Variants in ZNF277 observed in about 807,000 individuals in gnomAD.
ZNF277 encodes zinc finger protein 277.
A neutral mutation model predicts 60.7 loss-of-function variants in ZNF277; 55 were observed. The ratio of observed to expected loss-of-function variants is 0.91; its 90% CI spans 0.73 to 1.13. The LOEUF (loss-of-function observed/expected upper bound fraction) is 1.13, where lower values mean the gene tolerates loss of function less well. ZNF277 is among the 50% of genes most tolerant of loss of function. The pLI, the probability that ZNF277 is intolerant of heterozygous loss-of-function variation, is 0.00. For missense variants in ZNF277, 510 were observed against 523.0 expected (o/e 0.98, Z 0.24); for synonymous variants, 178 against 179.3 (o/e 0.99, Z 0.06).
At chr7:112,256,083 G>T (rs904725292) in intron 1 of ZNF277, among the ~76,000 whole-genome samples, 2 of 151,966 alleles carry the variant, frequency 1.3e-5, no homozygotes, top group African/African-American at 4.8e-5. Context: ...CTCCTAGCTT[G>T]GTGCTTAGCA....
chr7:112,331,668 T>G (rs1793231652), intron 7 of ZNF277, among the ~76,000 whole-genome samples: 1 of 152,196 alleles, frequency 6.6e-6, no homozygotes, highest in Admixed American at 6.5e-5. Context: ...TACAAATGTT[T>G]TACAACCAGC....
chr7:112,242,250 A>G (rs1225471109), intron 1 of ZNF277, among the ~76,000 whole-genome samples: 4 of 152,096 alleles, frequency 2.6e-5, no homozygotes, highest in Non-Finnish European at 5.9e-5. Flanking sequence ...CATAGAAGAA[A>G]CATGCTTCAA....
At chr7:112,210,041 A>G (rs1179067565) in intron 1 of ZNF277, among the ~76,000 whole-genome samples, 4 of 152,164 alleles carry the variant, frequency 2.6e-5, no homozygotes, top group African/African-American at 7.2e-5. Flanking sequence ...AGAAATACCT[A>G]ATGTAAATGA....
chr7:112,232,193 G>T (rs1363180849), intron 1 of ZNF277, among the ~76,000 whole-genome samples: 1 of 151,740 alleles, frequency 6.6e-6, no homozygotes, highest in Non-Finnish European at 1.5e-5. Context: ...ATTAAAACAG[G>T]GGTTGGGAGT....
intron 5 of ZNF277, among the ~76,000 whole-genome samples, chr7:112,322,289 C>T (rs541165406): frequency 6.6e-6 from 1 of 152,118 alleles, no homozygotes; most frequent in East Asian, 1.9e-4. Flanking sequence ...TCTCTCTTTG[C>T]TCTCCTTTTG....
At chr7:112,293,806 G>A (rs574554622) in intron 2 of ZNF277, among the ~76,000 whole-genome samples, 13 of 152,216 alleles carry the variant, frequency 8.5e-5, no homozygotes, top group Admixed American at 4.6e-4. Context: ...ACTAGTCTCC[G>A]TTTTGTCTAG....
chr7:112,302,931 C>T (rs1792510872), intron 4 of ZNF277, among the ~76,000 whole-genome samples: 1 of 148,910 alleles, frequency 6.7e-6, no homozygotes. Context: ...TTTGATCTTT[C>T]TTTCTGAGCA....
At chr7:112,251,072 T>G (rs769384899) in intron 1 of ZNF277, among the ~76,000 whole-genome samples, 7 of 152,300 alleles carry the variant, frequency 4.6e-5, no homozygotes, top group East Asian at 1.9e-4. Context: ...TTTCTTTGCA[T>G]TTCTTGTTTC....
intron 1 of ZNF277, among the ~76,000 whole-genome samples, chr7:112,264,223 T>C (rs1248844023): frequency 5.9e-5 from 9 of 152,020 alleles, no homozygotes; most frequent in African/African-American, 1.7e-4. Context: ...TGTATACTAA[T>C]ATTCAAAACC....
At chr7:112,289,420 G>A (rs1212972220) in intron 2 of ZNF277, among the ~76,000 whole-genome samples, 1 of 152,180 alleles carries the variant, frequency 6.6e-6, no homozygotes, top group African/African-American at 2.4e-5. Context: ...GAGATAGGAG[G>A]ACAGTTAATT....
chr7:112,321,007 C>T lies in ZNF277; in HGVS notation c.557+2734C>T, dbSNP rs1290007407. 4.7e-5 allele frequency among the ~76,000 whole-genome samples: 7 copies of T among 147,482 alleles called. No homozygotes were observed. In the East Asian group the frequency reaches 1.2e-3, roughly 25 times the overall value. On this transcript the variant is annotated intron_variant, in intron 5 of 11. Transcript: ENST00000361822. ...CAGGATCTCGGCTCACTGCAAGTTC[C>T]GCCTCCCGAGTTCAAGCCATTCTTC... is the stretch of plus-strand genomic sequence containing the variant.
At chr7:112,321,108 A>G (rs1032515374) in intron 5 of ZNF277, among the ~76,000 whole-genome samples, 4 of 150,956 alleles carry the variant, frequency 2.6e-5, no homozygotes, top group Non-Finnish European at 5.9e-5. Context: ...TTTTTAGTAG[A>G]GATGGGGTTT....
At chr7:112,319,498 G>A (rs932051262) in intron 5 of ZNF277, among the ~76,000 whole-genome samples, 1 of 151,626 alleles carries the variant, frequency 6.6e-6, no homozygotes, top group African/African-American at 2.4e-5. Context: ...CAGCATACAG[G>A]GGACAATCAG....
At chr7:112,280,101 G>A (rs1280046827) in intron 1 of ZNF277, among the ~76,000 whole-genome samples, 4 of 152,164 alleles carry the variant, frequency 2.6e-5, no homozygotes, top group African/African-American at 9.7e-5. Flanking sequence ...TCAGAGCAGC[G>A]TGTGGGAGGC....
At chr7:112,335,399 G>C (rs1320368653) in intron 7 of ZNF277, among the ~76,000 whole-genome samples, 1 of 152,088 alleles carries the variant, frequency 6.6e-6, no homozygotes, top group African/African-American at 2.4e-5. Flanking sequence ...AAAGAATTGG[G>C]CCAAAATAAA....
intron 7 of ZNF277, chr7:112,330,470 A>AG (rs1793201495): frequency 2.1e-6 from 1 of 466,024 alleles, no homozygotes; most frequent in Non-Finnish European, 3.7e-6. Context: ...CAAAAAAAAA[A>AG]AAAATACAGC....
chr7:112,339,829 C>T lies in ZNF277; in HGVS notation c.967-14C>T. On this transcript the variant is annotated splice_polypyrimidine_tract_variant and intron_variant, in intron 9 of 11. Coordinates refer to ENST00000361822, the MANE Select transcript of ZNF277 (RefSeq NM_021994.3). ...TAATTCATATGCTTACAGATGTATT[C>T]ATTCCTTTTTTAGGATGCACACGAA... The T allele has an allele frequency of 6.2e-7, 1 of 1,610,168 alleles. No homozygotes were observed. The highest frequency in any genetic ancestry group is 8.5e-7 in the Non-Finnish European group (1 of 1,177,702).
intron 1 of ZNF277, among the ~76,000 whole-genome samples, chr7:112,238,899 G>C (rs1230873586): frequency 6.6e-6 from 1 of 151,978 alleles, no homozygotes; most frequent in East Asian, 1.9e-4. Flanking sequence ...GTACCGCCCT[G>C]AACGTGCCCG....
At chr7:112,257,577 T>C (rs1347199102) in intron 1 of ZNF277, among the ~76,000 whole-genome samples, 3 of 152,118 alleles carry the variant, frequency 2.0e-5, no homozygotes, top group Non-Finnish European at 4.4e-5. Context: ...TAGTAGATTT[T>C]AGGTATTAGT....
Sources: gnomAD v4.1 joint callset for allele counts (sites outside exome capture counted in the v4.1 genomes callset) on GRCh38, gnomAD v4.1.1 for gene constraint, MANE v1.5 for transcripts, NCBI Gene and HGNC (gene_info 2026-07-23, HGNC 2026-07-21) for gene names.